Variants in VWA2 observed in about 807,000 individuals in gnomAD.
VWA2 encodes the protein von Willebrand factor A domain containing 2.
A neutral mutation model predicts 70.4 loss-of-function variants in VWA2; 73 were observed. The observed-to-expected ratio is 1.04, with a 90% CI of 0.86 to 1.26. VWA2 has a LOEUF of 1.26. Ranked by LOEUF, VWA2 falls within the 50% of genes most tolerant of loss-of-function variation. VWA2 has a pLI of 0.00. For missense variants in VWA2, 1,011 were observed against 998.5 expected (o/e 1.01, Z -0.17); for synonymous variants, 407 against 423.3 (o/e 0.96, Z 0.47).
chr10:114,251,034 G>A (rs1388091653), intron 2 of VWA2, among the ~76,000 whole-genome samples: 3 of 152,206 alleles, frequency 2.0e-5, no homozygotes, highest in Non-Finnish European at 4.4e-5. Flanking sequence ...CTCCTGGGCT[G>A]GCTGTACCGC....
At chr10:114,246,322 G>A (rs933191843) in intron 1 of VWA2, 8 of 581,392 alleles carry the variant, frequency 1.4e-5, no homozygotes, top group Non-Finnish European at 2.2e-5. Context: ...TCAACATGGT[G>A]AAACCCCGTC....
chr10:114,246,783 A>G (rs2133283340), intron 1 of VWA2: 1 of 1,232,550 alleles, frequency 8.1e-7, no homozygotes, highest in Non-Finnish European at 1.2e-6. Context: ...ACATGCTACT[A>G]AAATTTATTT....
intron 11 of VWA2, among the ~76,000 whole-genome samples, chr10:114,287,427 C>T (rs1169454418): frequency 6.6e-6 from 1 of 152,112 alleles, no homozygotes; most frequent in East Asian, 1.9e-4. Flanking sequence ...GCAATCCACC[C>T]ACCTCAGCCT....
At chr10:114,288,675 C>T (rs552944920) in intron 11 of VWA2, among the ~76,000 whole-genome samples, 76 of 152,310 alleles carry the variant, frequency 5.0e-4, no homozygotes, top group East Asian at 7.7e-4. Context: ...AAATTGATCA[C>T]GTCCGTCAGA....
At chr10:114,247,551 G>A (rs769367974) in intron 1 of VWA2, among the ~76,000 whole-genome samples, 12 of 151,968 alleles carry the variant, frequency 7.9e-5, no homozygotes, top group Non-Finnish European at 1.8e-4. Context: ...CACCTGCCTC[G>A]GCCTCCCAAA....
At chr10:114,278,116 G>A (rs899729972) in intron 7 of VWA2, 69 bp downstream of exon 7, 22 of 1,560,892 alleles carry the variant, frequency 1.4e-5, no homozygotes, top group African/African-American at 2.7e-5. Context: ...TGAGGCAAGA[G>A]GTCAGGACCC....
At chr10:114,241,019 C>T (rs966715984) in intron 1 of VWA2, among the ~76,000 whole-genome samples, 4 of 152,174 alleles carry the variant, frequency 2.6e-5, no homozygotes, top group East Asian at 1.9e-4. Flanking sequence ...CTGGGATATC[C>T]GAATCATAGT....
chr10:114,282,446 A>C (rs1172319316), intron 8 of VWA2, 70 bp from the exon 9 acceptor site: 1 of 1,258,352 alleles, frequency 7.9e-7, no homozygotes, highest in Non-Finnish European at 1.2e-6. Flanking sequence ...GGTGTTGTAA[A>C]TCATCTTCTG....
At chr10:114,281,083 G>C (rs534306066) in intron 8 of VWA2, 1 of 152,326 alleles carries the variant, frequency 6.6e-6, no homozygotes. Flanking sequence ...TTGACTTGGC[G>C]TGTACTCCAT....
In VWA2 at chr10:114,288,994, G is replaced by A; in HGVS notation, c.1627G>A (p.Gly543Arg). 1 of 1,614,126 alleles carries A rather than the reference G, an allele frequency of 6.2e-7. No individual in the cohort carries two copies. Among genetic ancestry groups the A allele is most frequent in the Middle Eastern group, 1.6e-4 (1 of 6,062 alleles). Residue 543 changes from glycine (G) to arginine (R), a missense_variant, in exon 12 of 14, where the codon GGG becomes AGG. Gly to Arg is a moderately radical substitution (Grantham distance 125). Coordinates refer to ENST00000392982, the MANE Select transcript of VWA2 (RefSeq NM_001272046.2). ...VFMLDTSASVGPENFAQMQSF... is the reference protein window; with the variant it reads ...VFMLDTSASVRPENFAQMQSF... ...CATGTTGGACACCTCTGCCTCAGTA[G>A]GGCCCGAGAATTTTGCTCAGATGCA...
intron 5 of VWA2, among the ~76,000 whole-genome samples, chr10:114,265,617 C>T (rs948447452): frequency 2.0e-5 from 3 of 152,214 alleles, no homozygotes; most frequent in African/African-American, 7.2e-5. Flanking sequence ...CTCTCCCACA[C>T]CCCCTAGATG....
rs200329465 is a variant in VWA2, at chr10:114,278,038, G to C, written c.691G>C (p.Ala231Pro). The change falls in exon 7 of 14, where the codon GCC becomes CCC. Residue 231 changes from alanine (A) to proline (P), a missense_variant. Physicochemically the swap from Ala to Pro is conservative, Grantham distance 27 (BLOSUM62 -1). Coordinates refer to ENST00000392982, the MANE Select transcript of VWA2 (RefSeq NM_001272046.2). ...TLSSSAICSSATPDCRVEAHP... is the reference protein window; with the variant it reads ...TLSSSAICSSPTPDCRVEAHP... Reference sequence around the variant, plus strand: ...CAGCAGCTCGGCCATCTGCTCCAGCGCCACGCCAGGTAAGATCTTCCAGCC... The same window carrying C: ...CAGCAGCTCGGCCATCTGCTCCAGCCCCACGCCAGGTAAGATCTTCCAGCC... 7 of 1,611,044 alleles carry C rather than the reference G, an allele frequency of 4.3e-6. No individual in the cohort carries two copies. Among genetic ancestry groups the C allele is most frequent in the Admixed American group, 1.7e-5 (1 of 59,958 alleles).
At position 114,277,967 on chromosome 10, in the gene VWA2, T is replaced by C. The variant is rs1321736171; in HGVS notation, c.620T>C (p.Leu207Ser). Reference protein sequence around the residue: ...ASEPRGQHVLLAEQVEDATNG... With the variant: ...ASEPRGQHVLSAEQVEDATNG... ...GAGCCTAGAGGGCAGCACGTGCTGT[T>C]GGCTGAGCAGGTGGAGGATGCCACC... Residue 207 changes from leucine to serine, a missense_variant, in exon 7 of 14, where the codon TTG (leucine) becomes TCG (serine). Leu to Ser is a moderately radical substitution (Grantham distance 145, BLOSUM62 -2). Coordinates refer to ENST00000392982, the MANE Select transcript of VWA2 (RefSeq NM_001272046.2). 6.2e-7 allele frequency: 1 copy of C among 1,612,940 alleles called. No homozygotes were observed. Among genetic ancestry groups the C allele is most frequent in the Non-Finnish European group, 8.5e-7 (1 of 1,179,764 alleles).
chr10:114,264,090 G>T (rs1340745193), intron 5 of VWA2, among the ~76,000 whole-genome samples: 1 of 152,198 alleles, frequency 6.6e-6, no homozygotes, highest in African/African-American at 2.4e-5. Flanking sequence ...TTGGAAAAAG[G>T]TTTGGCAGTT....
chr10:114,246,637 C>T (rs1589736421), intron 1 of VWA2: 3 of 1,535,046 alleles, frequency 2.0e-6, no homozygotes, highest in East Asian at 4.5e-5. Context: ...CAGAGAAGTA[C>T]TTGAACACCC....
At chr10:114,282,873 A>C (rs2038350388) in intron 9 of VWA2, among the ~76,000 whole-genome samples, 1 of 152,166 alleles carries the variant, frequency 6.6e-6, no homozygotes, top group Admixed American at 6.5e-5. Flanking sequence ...CCAGCACCAA[A>C]CTCAGGGCAA....
At position 114,273,730 on chromosome 10, in the gene VWA2, A is replaced by C. The variant is rs568336517; in HGVS notation, c.566+796A>C. Among the ~76,000 whole-genome samples the C allele has an allele frequency of 9.2e-5, 14 of 152,326 alleles. No homozygotes were observed. The East Asian group carries it at 2.7e-3, about 29-fold the overall frequency. On this transcript the variant is annotated intron_variant, in intron 6 of 13. Transcript: ENST00000392982. Reference sequence around the variant, plus strand: ...ACATTATTTAATTTCTCAGTTAATAAATCCAGGGTTGTCTTTCTCATGCTG... The same window carrying C: ...ACATTATTTAATTTCTCAGTTAATACATCCAGGGTTGTCTTTCTCATGCTG...
At chr10:114,245,179 A>G (rs2037043935) in intron 1 of VWA2, among the ~76,000 whole-genome samples, 1 of 152,212 alleles carries the variant, frequency 6.6e-6, no homozygotes. Flanking sequence ...GATTGCCAAC[A>G]TACATTCTAT....
At chr10:114,255,481 A>G (rs544189242) in intron 4 of VWA2, among the ~76,000 whole-genome samples, 1 of 152,320 alleles carries the variant, frequency 6.6e-6, no homozygotes, top group African/African-American at 2.4e-5. Flanking sequence ...GCCGGACCTC[A>G]GTTAAGAGCT....
Sources: gnomAD v4.1 joint callset for allele counts (sites outside exome capture counted in the v4.1 genomes callset) on GRCh38, gnomAD v4.1.1 for gene constraint, MANE v1.5 for transcripts, NCBI Gene and HGNC (gene_info 2026-07-23, HGNC 2026-07-21) for gene names.